Variants in ATR observed in about 807,000 individuals in gnomAD.
ATR encodes the protein serine/threonine-protein kinase ATR.
Under a neutral mutation model 305.3 loss-of-function variants are expected in ATR, and 142 were observed. The ratio of observed to expected loss-of-function variants is 0.47; its 90% CI spans 0.41 to 0.53. ATR has a LOEUF of 0.53. Ranked by LOEUF, ATR falls within the 20% of genes least tolerant of loss-of-function variation. ATR has a pLI of 0.00. For synonymous variants in ATR, 1,050 were observed against 1,068.1 expected, an observed-to-expected ratio of 0.98 and a Z score of 0.33; for missense variants, 2,135 against 3,133.1, an observed-to-expected ratio of 0.68 and a Z score of 7.60.
chr3:142,536,402 C>G (rs1000847651), intron 19 of ATR, among the ~76,000 whole-genome samples: 1 of 152,196 alleles, frequency 6.6e-6, no homozygotes, highest in Non-Finnish European at 1.5e-5. Flanking sequence ...ATGAAAATCA[C>G]TCTATAATAG....
chr3:142,470,054 G>A (rs2071223677), intron 37 of ATR, 32 bp downstream of exon 37: 10 of 1,513,732 alleles, frequency 6.6e-6, no homozygotes, highest in Non-Finnish European at 9.1e-6. Context: ...ATAATTCCTA[G>A]TCCTTTAAAA....
intron 21 of ATR, among the ~76,000 whole-genome samples, chr3:142,532,126 C>T (rs1283165502): frequency 6.6e-6 from 1 of 152,208 alleles, no homozygotes; most frequent in Non-Finnish European, 1.5e-5. Flanking sequence ...CTGTCTGACA[C>T]TCCCCAGTGA....
chr3:142,535,640 A>C (rs976891606), intron 20 of ATR, among the ~76,000 whole-genome samples: 6 of 152,146 alleles, frequency 3.9e-5, no homozygotes, highest in African/African-American at 1.4e-4. Context: ...TAACATCTTC[A>C]TAATTTTAGA....
intron 19 of ATR, among the ~76,000 whole-genome samples, chr3:142,536,449 A>C (rs1369382369): frequency 6.6e-6 from 1 of 152,196 alleles, no homozygotes; most frequent in Non-Finnish European, 1.5e-5. Flanking sequence ...ATACAAACCC[A>C]TATATACAGT....
At chr3:142,495,974 A>G (rs1240257704) in intron 34 of ATR, among the ~76,000 whole-genome samples, 1 of 151,926 alleles carries the variant, frequency 6.6e-6, no homozygotes, top group Non-Finnish European at 1.5e-5. Context: ...CAACTAAGTG[A>G]CAGAGTTACA....
intron 19 of ATR, among the ~76,000 whole-genome samples, chr3:142,536,736 C>T (rs1270227106): frequency 6.6e-6 from 1 of 152,086 alleles, no homozygotes; most frequent in African/African-American, 2.4e-5. Flanking sequence ...ACTTGTAAGA[C>T]CAGTAGAACT....
chr3:142,516,343 T>C (rs2032859205), intron 24 of ATR, among the ~76,000 whole-genome samples: 1 of 152,192 alleles, frequency 6.6e-6, no homozygotes, highest in African/African-American at 2.4e-5. Context: ...TCTAAATATT[T>C]GTCTTTACTG....
chr3:142,488,123 G>A (rs1192259675), intron 35 of ATR, among the ~76,000 whole-genome samples: 1 of 152,122 alleles, frequency 6.6e-6, no homozygotes, highest in African/African-American at 2.4e-5. Flanking sequence ...GGAGAGTGAG[G>A]TTAAGGTCTT....
chr3:142,535,753 C>A (rs1280824986), intron 20 of ATR, among the ~76,000 whole-genome samples: 1 of 152,168 alleles, frequency 6.6e-6, no homozygotes, highest in African/African-American at 2.4e-5. Flanking sequence ...TGTAGCACAA[C>A]AAAACTAGAA....
chr3:142,551,947 T>A (rs931609185), intron 13 of ATR, among the ~76,000 whole-genome samples: 1 of 151,428 alleles, frequency 6.6e-6, no homozygotes, highest in East Asian at 1.9e-4. Flanking sequence ...ATATCCAGAG[T>A]CTACAAAGAA....
At chr3:142,568,529 C>A (rs2035150464) in intron 1 of ATR, among the ~76,000 whole-genome samples, 1 of 152,158 alleles carries the variant, frequency 6.6e-6, no homozygotes, top group Non-Finnish European at 1.5e-5. Context: ...CTCTCCAGGG[C>A]GCTAGTGGGC....
At chr3:142,484,262 G>C (rs2030755972) in intron 36 of ATR, among the ~76,000 whole-genome samples, 2 of 152,232 alleles carry the variant, frequency 1.3e-5, no homozygotes. Context: ...AGTCTGAACA[G>C]ACAGACCTTG....
intron 36 of ATR, among the ~76,000 whole-genome samples, chr3:142,470,744 C>T (rs1402685533): frequency 6.6e-6 from 1 of 152,088 alleles, no homozygotes; most frequent in Non-Finnish European, 1.5e-5. Flanking sequence ...CCATAATTTT[C>T]CAATCTTAGC....
At chr3:142,553,449 C>CAA (rs758333142) in intron 12 of ATR, 51 bp from the exon 13 acceptor site, 39 of 1,537,948 alleles carry the variant, frequency 2.5e-5, no homozygotes, top group South Asian at 6.7e-5. Flanking sequence ...CACACACACA[C>CAA]ACACACACAT....
In ATR at chr3:142,468,001, G is replaced by C. The variant is rs1434832351; in HGVS notation, c.6620C>G (p.Ser2207Cys). The C allele has an allele frequency of 6.2e-7, 1 of 1,612,880 alleles. No individual in the cohort carries two copies. Among genetic ancestry groups the C allele is most frequent in the Admixed American group, 1.7e-5 (1 of 59,960 alleles). Residue 2207 changes from serine to cysteine, a missense_variant, in exon 39 of 47, where the codon TCC becomes TGC. Physicochemically the swap from Ser to Cys is moderately radical, Grantham distance 112 (BLOSUM62 -1). Transcript: ENST00000350721. The stretch of plus-strand genomic sequence containing the variant: ...TGCATCTCCAACAAACTTCTCTAAG[G>C]ATTTTTTCATATGAATAGCTTTATT... ...ILNKAIHMKK[S>C]LEKFVGDATR...
chr3:142,553,373 A>G lies in ATR; in HGVS notation c.2659T>C (p.Phe887Leu). Residue 887 changes from phenylalanine (F) to leucine (L), a missense_variant, in exon 13 of 47, where the codon TTT (phenylalanine) becomes CTT (leucine). Physicochemically the swap from Phe to Leu is conservative, Grantham distance 22. This residue lies in a region of ATR where 530 missense variants were observed against 766.8 expected (regional missense o/e 0.69). Transcript: ENST00000350721. ...CAATGCAATAAGTGTAAGAGTGCAA[A>G]TGGTACCAAATCTCCTTTTGCGGCC... ...GRAAKGDLVP[F>L]ALLHLLHCLL... 1 of 1,613,938 alleles carries G rather than the reference A, an allele frequency of 6.2e-7. No homozygotes were observed. The highest frequency in any genetic ancestry group is 2.2e-5 in the East Asian group (1 of 44,862).
chr3:142,562,420 T>C lies in ATR; in HGVS notation c.982A>G (p.Met328Val), dbSNP rs749261715. Residue 328 changes from methionine to valine, a missense_variant, in exon 4 of 47, where the codon ATG becomes GTG. This residue lies in a region of ATR where 744 missense variants were observed against 873.2 expected (regional missense o/e 0.85). Coordinates refer to ENST00000350721, the MANE Select transcript of ATR (RefSeq NM_001184.4). ...LNMLLEKLCV[M>V]FEDGVLMRLK... is the part of the protein sequence containing the mutation. ...CGCATGAGCACACCGTCTTCAAACA[T>C]GACACAGAGTTTTTCCAGCAGCATA... The C allele has an allele frequency of 6.2e-6, 10 of 1,614,176 alleles. 1 individual carries two copies. The highest frequency in any genetic ancestry group is 1.6e-4 in the Middle Eastern group (1 of 6,062).
intron 19 of ATR, among the ~76,000 whole-genome samples, chr3:142,537,834 C>G (rs1229191887): frequency 1.3e-5 from 2 of 152,060 alleles, no homozygotes; most frequent in African/African-American, 4.8e-5. Context: ...CATGTTCTGT[C>G]AATAGTAATC....
chr3:142,488,773 ATG>A (rs1483376957), intron 35 of ATR, among the ~76,000 whole-genome samples: 58 of 152,342 alleles, frequency 3.8e-4, no homozygotes, highest in African/African-American at 1.4e-3. Flanking sequence ...CTTGGCCTTT[ATG>A]TTTCCACATA....
Sources: gnomAD v4.1 joint callset for allele counts (sites outside exome capture counted in the v4.1 genomes callset) on GRCh38, gnomAD v4.1.1 for gene constraint, gnomAD v4.1.1 regional missense constraint, MANE v1.5 for transcripts, NCBI Gene and HGNC (gene_info 2026-07-23, HGNC 2026-07-21) for gene names.